Variants in FSCB observed in about 807,000 individuals in gnomAD.
The protein encoded by FSCB is fibrous sheath CABYR-binding protein.
For synonymous variants in FSCB, 331 were observed against 336.6 expected (o/e 0.98, Z 0.18); for missense variants, 975 against 934.8 (o/e 1.04, Z -0.56).
Position 44,504,552 on chromosome 14 carries a change from A to G in FSCB, c.2436T>C (p.Ser812=). 1.9e-6 allele frequency: 3 copies of G among 1,613,348 alleles called. No individual in the cohort carries two copies. The highest frequency in any genetic ancestry group is 2.2e-5 in the South Asian group (2 of 90,970). Residue 812 remains serine, a synonymous_variant, in exon 1 of 1, where the codon AGT becomes AGC. Coordinates refer to ENST00000340446, the MANE Select transcript of FSCB (RefSeq NM_032135.4). ...GTTGTTTTAATTCTATATGAAAAAC[A>G]CTTTCTATTTCAAGAGTGGGAGCCT... The part of the protein sequence containing the change: ...DGQAPTLEIE[S]VFHIELKQRP...
rs777029779 is a variant in FSCB, at chr14:44,506,663, G to T, written c.325C>A (p.Pro109Thr). Residue 109 changes from proline (P) to threonine (T), a missense_variant, in exon 1 of 1, where the codon CCA (proline) becomes ACA (threonine). By Grantham distance (38) the Pro-to-Thr change is conservative. Transcript: ENST00000340446. ...ATTTCTACATCCTGAACACTCTCTG[G>T]CAATTCAATAGCAGCTTCTCTAACA... is the stretch of plus-strand genomic sequence containing the variant. ...ADVREAAIEL[P>T]ESVQDVEIPP... is the part of the protein sequence containing the mutation. 6.2e-7 allele frequency: 1 copy of T among 1,613,930 alleles called. No individual in the cohort carries two copies. Among genetic ancestry groups the T allele is most frequent in the East Asian group, 2.2e-5 (1 of 44,884 alleles).
chr14:44,506,655 ACT>A, the FSCB span: 2 of 1,613,842 alleles, frequency 1.2e-6, no homozygotes, highest in Non-Finnish European at 1.7e-6. Flanking sequence ...CATCCTGAAC[ACT>A]CTCTGGCAAT....
At position 44,506,459 on chromosome 14, in the gene FSCB, A is replaced by C. The variant is rs371906913; in HGVS notation, c.529T>G (p.Ser177Ala). The C allele has an allele frequency of 5.0e-6, 8 of 1,614,062 alleles. No homozygotes were observed. The highest frequency in any genetic ancestry group is 6.8e-6 in the Non-Finnish European group (8 of 1,180,026). The change falls in exon 1 of 1, where the codon TCA (serine) becomes GCA (alanine). Residue 177 changes from serine (S) to alanine (A), a missense_variant. Ser to Ala is a moderately conservative substitution (Grantham distance 99). Coordinates refer to ENST00000340446, the MANE Select transcript of FSCB (RefSeq NM_032135.4). ...ISRPDSSSTK[S>A]KEDALKHKSS... Reference sequence around the variant, plus strand: ...TTATGTTTCAGGGCATCTTCCTTTGACTTTGTAGAAGAACTATCTGGCCTG... The same window carrying C: ...TTATGTTTCAGGGCATCTTCCTTTGCCTTTGTAGAAGAACTATCTGGCCTG...
chr14:44,506,133 A>T lies in FSCB; in HGVS notation c.855T>A (p.Pro285=). 1 of 1,614,172 alleles carries T rather than the reference A, an allele frequency of 6.2e-7. No individual in the cohort carries two copies. Among genetic ancestry groups the T allele is most frequent in the Non-Finnish European group, 8.5e-7 (1 of 1,180,034 alleles). The change falls in exon 1 of 1, where the codon CCT becomes CCA. Residue 285 remains proline, a synonymous_variant. Coordinates refer to ENST00000340446, the MANE Select transcript of FSCB (RefSeq NM_032135.4). ...GTACTTGGACATGGGTCTCTTCAGCAGGTCTGGGCTCCGCTTTAGCAGTGG... is the reference window on the plus strand; with the variant it reads ...GTACTTGGACATGGGTCTCTTCAGCTGGTCTGGGCTCCGCTTTAGCAGTGG... ...EEATAKAEPR[P]AEETHVQVQP... is the part of the protein sequence containing the mutation.
chr14:44,506,123 T>C lies in FSCB; in HGVS notation c.865A>G (p.Thr289Ala). 1.2e-6 allele frequency: 2 copies of C among 1,614,064 alleles called. No homozygotes were observed. Among genetic ancestry groups the C allele is most frequent in the Non-Finnish European group, 1.7e-6 (2 of 1,180,002 alleles). ...GTTGATGGCTGTACTTGGACATGGG[T>C]CTCTTCAGCAGGTCTGGGCTCCGCT... Reference protein sequence around the residue: ...AKAEPRPAEETHVQVQPSTEE... With the variant: ...AKAEPRPAEEAHVQVQPSTEE... Residue 289 changes from threonine to alanine, a missense_variant, in exon 1 of 1, where the codon ACC becomes GCC. Coordinates refer to ENST00000340446, the MANE Select transcript of FSCB (RefSeq NM_032135.4).
Position 44,506,774 on chromosome 14 carries a change from A to C in FSCB, c.214T>G (p.Ser72Ala). Residue 72 changes from serine (S) to alanine (A), a missense_variant, in exon 1 of 1, where the codon TCT (serine) becomes GCT (alanine). Physicochemically the swap from Ser to Ala is moderately conservative, Grantham distance 99. Transcript: ENST00000340446. ...TCTACAATGGTGTCTGTCTGGAGAG[A>C]CTTACTAGTCATTTCCTGTCCATGC... ...RKHGQEMTSKSLQTDTIVEEK... is the reference protein window; with the variant it reads ...RKHGQEMTSKALQTDTIVEEK... The C allele has an allele frequency of 1.2e-6, 2 of 1,614,004 alleles. No homozygotes were observed. Among genetic ancestry groups the C allele is most frequent in the Non-Finnish European group, 1.7e-6 (2 of 1,179,976 alleles).
rs1881052812 is a variant in FSCB at position 44,505,573 on chromosome 14, G to A, written c.1415C>T (p.Ala472Val). ...CGTAGCTGCTAGAAGCTGAATTTCA[G>A]CAGAGGCCTCTTCTGCAGTGGTCTC... ...PKETTAEEAS[A>V]EIQLLAATEP... Residue 472 changes from alanine to valine, a missense_variant, in exon 1 of 1, where the codon GCT (alanine) becomes GTT (valine). Physicochemically the swap from Ala to Val is moderately conservative, Grantham distance 64 (BLOSUM62 0). Transcript: ENST00000340446. 6.2e-7 allele frequency: 1 copy of A among 1,612,650 alleles called. No individual in the cohort carries two copies. Among genetic ancestry groups the A allele is most frequent in the Non-Finnish European group, 8.5e-7 (1 of 1,179,964 alleles).
Position 44,504,415 on chromosome 14 carries a change from T to C in FSCB, c.*95A>G, listed in dbSNP as rs1594609490. 1.1e-6 allele frequency: 1 copy of C among 923,612 alleles called. No individual in the cohort carries two copies. The highest frequency in any genetic ancestry group is 1.6e-6 in the Non-Finnish European group (1 of 618,958). The allele number at this position is 923,612 out of a possible 1,614,324, so 57.2% of individuals were successfully genotyped here. A position where few individuals can be genotyped will look rare whatever the true frequency, so the allele number is the denominator to read the frequency against. On this transcript the variant is annotated 3_prime_UTR_variant, in exon 1 of 1. Transcript: ENST00000340446. ...GTCTTGGGGTCCCCTTTAATTTGCC[T>C]TATTGACAAAGCTACTTCCCGCTGC... is the stretch of plus-strand genomic sequence containing the variant.
chr14:44,504,433 C>T lies in FSCB; in HGVS notation c.*77G>A. On this transcript the variant is annotated 3_prime_UTR_variant, in exon 1 of 1. Coordinates refer to ENST00000340446, the MANE Select transcript of FSCB (RefSeq NM_032135.4). Reference sequence around the variant, plus strand: ...ATTTGCCTTATTGACAAAGCTACTTCCCGCTGCCCACCCTTTTCTAAAGTA... The same window carrying T: ...ATTTGCCTTATTGACAAAGCTACTTTCCGCTGCCCACCCTTTTCTAAAGTA... The T allele has an allele frequency of 2.6e-6, 3 of 1,164,408 alleles. No individual in the cohort carries two copies. Among genetic ancestry groups the T allele is most frequent in the Non-Finnish European group, 3.6e-6 (3 of 826,866 alleles). The allele number at this position is 1,164,408 out of a possible 1,614,324, so 72.1% of individuals were successfully genotyped here.
In FSCB at chr14:44,505,427, C is replaced by T. The variant is rs374042910; in HGVS notation, c.1561G>A (p.Ala521Thr). The change falls in exon 1 of 1, where the codon GCC (alanine) becomes ACC (threonine). Residue 521 changes from alanine (A) to threonine (T), a missense_variant. Transcript: ENST00000340446. ...GCTAGAAGCTGAATTTCAGCAGAGG[C>T]CTCTTCTGCAGTGGTCTCTTCAGCT... ...PLAEETTAEE[A>T]SAEIQLLAAI... The T allele has an allele frequency of 4.3e-6, 7 of 1,612,228 alleles. No individual in the cohort carries two copies. In the African/African-American group the frequency reaches 6.7e-5, roughly 15 times the overall value.
rs1044700118 is a variant in FSCB at position 44,504,407 on chromosome 14, A to T, written c.*103T>A. ...TATTCCAAGTCTTGGGGTCCCCTTT[A>T]ATTTGCCTTATTGACAAAGCTACTT... On this transcript the variant is annotated 3_prime_UTR_variant, in exon 1 of 1. Transcript: ENST00000340446. The T allele has an allele frequency of 3.7e-6, 3 of 800,188 alleles. No homozygotes were observed. Among genetic ancestry groups the T allele is most frequent in the Non-Finnish European group, 5.8e-6 (3 of 515,538 alleles). 49.6% of individuals were successfully genotyped at this position (800,188 alleles called of 1,614,324 possible). A position where few individuals can be genotyped will look rare whatever the true frequency, so the allele number is the denominator to read the frequency against.
Position 44,505,395 on chromosome 14 carries a change from T to A in FSCB, c.1593A>T (p.Ile531=), listed in dbSNP as rs755574099. 3 of 1,611,560 alleles carry A rather than the reference T, an allele frequency of 1.9e-6. No individual in the cohort carries two copies. The highest frequency in any genetic ancestry group is 2.5e-6 in the Non-Finnish European group (3 of 1,179,738). The change falls in exon 1 of 1, where the codon ATA becomes ATT. Residue 531 remains isoleucine (I), a synonymous_variant. Coordinates refer to ENST00000340446, the MANE Select transcript of FSCB (RefSeq NM_032135.4). Reference sequence around the variant, plus strand: ...CAGGAGTTTCATCTGCAGGAGCCTCTATAGCTGCTAGAAGCTGAATTTCAG... The same window carrying A: ...CAGGAGTTTCATCTGCAGGAGCCTCAATAGCTGCTAGAAGCTGAATTTCAG... ...ASAEIQLLAA[I]EAPADETPAE...
chr14:44,505,864 G>C lies in FSCB; in HGVS notation c.1124C>G (p.Ser375Cys), dbSNP rs750245015. The C allele has an allele frequency of 1.5e-5, 24 of 1,614,090 alleles. No individual in the cohort carries two copies. Among genetic ancestry groups the C allele is most frequent in the Non-Finnish European group, 2.0e-5 (24 of 1,179,992 alleles). Residue 375 changes from serine (S) to cysteine (C), a missense_variant, in exon 1 of 1, where the codon TCT becomes TGT. Transcript: ENST00000340446. ...AEILPPPAEK[S>C]PSVELLGEIR... ...TTCACCAAGAAGCTCTACTGAAGGA[G>C]ACTTTTCAGCTGGTGGAGGCAGAAT...
chr14:44,506,822 G>A, the FSCB span: 1 of 1,614,070 alleles, frequency 6.2e-7, no homozygotes, highest in Non-Finnish European at 8.5e-7. Context: ...CAAGTTTGCT[G>A]AAGCTCAGAA....
the FSCB span, chr14:44,504,578 G>A: frequency 6.2e-7 from 1 of 1,614,004 alleles, no homozygotes; most frequent in African/African-American, 1.3e-5. Context: ...GTGGGAGCCT[G>A]TCCATCATTG....
rs1881041509 is a variant in FSCB at position 44,505,312 on chromosome 14, A to C, written c.1676T>G (p.Val559Gly). The C allele has an allele frequency of 3.1e-6, 5 of 1,612,002 alleles. No homozygotes were observed. The East Asian group carries it at 1.1e-4, about 36-fold the overall frequency. The change falls in exon 1 of 1, where the codon GTT becomes GGT. Residue 559 changes from valine (V) to glycine (G), a missense_variant. Physicochemically the swap from Val to Gly is moderately radical, Grantham distance 109. Transcript: ENST00000340446. ...AACTCCCTTAGCTGATGGAGACTGA[A>C]CTTCAGCAGGAGCCTCTTCTGCAGA... The part of the protein sequence containing the change: ...ETSAEEAPAE[V>G]QSPSAKGVSI...
At position 44,507,283 on chromosome 14, in the gene FSCB, T is replaced by C. The variant is rs1358625340; in HGVS notation, c.-296A>G. The C allele has an allele frequency of 7.5e-6, 2 of 267,342 alleles. No individual in the cohort carries two copies. Among genetic ancestry groups the C allele is most frequent in the Non-Finnish European group, 1.5e-5 (2 of 134,720 alleles). The allele number at this position is 267,342 out of a possible 1,614,324, so 16.6% of individuals were successfully genotyped here. ...TTTCTTCTTTAGTCTCTGTTATAAC[T>C]AAATATCACTTTTAGAAGTTTCCTT... On this transcript the variant is annotated 5_prime_UTR_variant, in exon 1 of 1. Coordinates refer to ENST00000340446, the MANE Select transcript of FSCB (RefSeq NM_032135.4).
At position 44,506,979 on chromosome 14, in the gene FSCB, G is replaced by C. The variant is rs1238392692; in HGVS notation, c.9C>G (p.Gly3=). The change falls in exon 1 of 1, where the codon GGC becomes GGG. Residue 3 remains glycine, a synonymous_variant. Transcript: ENST00000340446. MV[G]KSQQTDVIEK... ...CTATTACATCAGTTTGCTGGGATTTGCCTACCATTGGTTTGCTGGGTCATC... is the reference window on the plus strand; with the variant it reads ...CTATTACATCAGTTTGCTGGGATTTCCCTACCATTGGTTTGCTGGGTCATC... The C allele has an allele frequency of 6.3e-7, 1 of 1,578,636 alleles. No individual in the cohort carries two copies. Among genetic ancestry groups the C allele is most frequent in the Admixed American group, 1.7e-5 (1 of 57,670 alleles).
Position 44,506,237 on chromosome 14 carries a change from T to C in FSCB, c.751A>G (p.Lys251Glu), listed in dbSNP as rs554830800. Residue 251 changes from lysine (K) to glutamate (E), a missense_variant, in exon 1 of 1, where the codon AAA (lysine) becomes GAA (glutamate). Physicochemically the swap from Lys to Glu is moderately conservative, Grantham distance 56. Coordinates refer to ENST00000340446, the MANE Select transcript of FSCB (RefSeq NM_032135.4). ...GGCTCTATTTCAGCAGAAGCCACTT[T>C]TTTAACAGCAGAACCTTCTTGTACA... ...PVVQEGSAVK[K>E]VASAEIEPPS... 3.2e-5 allele frequency: 51 copies of C among 1,614,170 alleles called. No individual in the cohort carries two copies. In the Middle Eastern group the frequency reaches 4.9e-4, roughly 16 times the overall value.
Sources: allele counts gnomAD v4.1 joint callset, GRCh38; gene constraint gnomAD v4.1.1; transcripts MANE v1.5; gene names NCBI Gene and HGNC (gene_info 2026-07-23, HGNC 2026-07-21).